The following USP45 variants were observed in gnomAD, a reference collection of about 807,000 sequenced individuals.
USP45 encodes ubiquitin specific peptidase 45.
A neutral mutation model predicts 95.8 loss-of-function variants in USP45; 89 were observed. The ratio of observed to expected loss-of-function variants is 0.93; its 90% CI spans 0.78 to 1.11. USP45 has a LOEUF of 1.11. Ranked by LOEUF, USP45 falls within the 50% of genes least tolerant of loss-of-function variation. The pLI, the probability that USP45 is intolerant of heterozygous loss-of-function variation, is 0.00. For synonymous variants in USP45, 281 were observed against 316.2 expected (o/e 0.89, Z 1.18); for missense variants, 898 against 942.5 (o/e 0.95, Z 0.62).
chr6:99,435,763 C>T lies in USP45; in HGVS notation c.2398G>A (p.Ala800Thr). The T allele has an allele frequency of 6.2e-7, 1 of 1,613,570 alleles. No homozygotes were observed. Among genetic ancestry groups the T allele is most frequent in the Non-Finnish European group, 8.5e-7 (1 of 1,179,550 alleles). Reference sequence around the variant, plus strand: ...AGAAGGTAGGCTTGTGCACTAAGTGCTCTTGATTCTGGAACCACCTGTAAG... The same window carrying T: ...AGAAGGTAGGCTTGTGCACTAAGTGTTCTTGATTCTGGAACCACCTGTAAG... Reference protein sequence around the residue: ...TYLQVVPESRALSAQAYLLFY... With the variant: ...TYLQVVPESRTLSAQAYLLFY... Residue 800 changes from alanine (A) to threonine (T), a missense_variant, in exon 18 of 18, where the codon GCA (alanine) becomes ACA (threonine). Transcript: ENST00000500704.
chr6:99,513,717 A>T (rs924246167), intron 1 of USP45, among the ~76,000 whole-genome samples: 1 of 152,224 alleles, frequency 6.6e-6, no homozygotes, highest in African/African-American at 2.4e-5. Context: ...GCAATTTCTG[A>T]TGATTTTTCT....
intron 13 of USP45, among the ~76,000 whole-genome samples, chr6:99,463,990 G>C (rs547516627): frequency 1.3e-5 from 2 of 152,138 alleles, no homozygotes; most frequent in South Asian, 2.1e-4. Flanking sequence ...TAATGGTACT[G>C]TGGTTTTTGG....
At chr6:99,461,265 G>A (rs959511590) in intron 13 of USP45, 31 of 985,238 alleles carry the variant, frequency 3.1e-5, no homozygotes, top group Non-Finnish European at 3.4e-5. Flanking sequence ...CAATCAGCAT[G>A]ATGGTTTTTT....
intron 11 of USP45, among the ~76,000 whole-genome samples, chr6:99,465,382 A>G (rs1787673436): frequency 6.6e-6 from 1 of 152,208 alleles, no homozygotes; most frequent in Non-Finnish European, 1.5e-5. Flanking sequence ...GGCCTGTAAT[A>G]TTTAAAATAA....
At chr6:99,493,721 A>G (rs1448418570) in intron 5 of USP45, among the ~76,000 whole-genome samples, 1 of 151,796 alleles carries the variant, frequency 6.6e-6, no homozygotes, top group Non-Finnish European at 1.5e-5. Context: ...CTGGTCTCGA[A>G]CTCCTGACCT....
Position 99,439,789 on chromosome 6 carries a change from A to G in USP45, c.2140T>C (p.Phe714Leu). The G allele has an allele frequency of 6.2e-7, 1 of 1,603,614 alleles. No individual in the cohort carries two copies. Among genetic ancestry groups the G allele is most frequent in the Non-Finnish European group, 8.5e-7 (1 of 1,174,486 alleles). The change falls in exon 16 of 18, where the codon TTC (phenylalanine) becomes CTC (leucine). Residue 714 changes from phenylalanine to leucine, a missense_variant. Physicochemically the swap from Phe to Leu is conservative, Grantham distance 22. Transcript: ENST00000500704. The part of the protein sequence containing the change: ...DFPLMLDLAP[F>L]CSATCKNASV... ...TGTACCTTACAAGTAGCAGAGCAGA[A>G]TGGTGCTAAATCGAGCATAAGTGGA...
intron 13 of USP45, chr6:99,461,606 G>C (rs13214012): frequency 0.2 from 194,446 of 984,572 alleles, 20,993 homozygotes; most frequent in Non-Finnish European, 0.22. Flanking sequence ...GATTTTCTCA[G>C]CTAATTTCAC....
At chr6:99,516,619 C>G (rs913988056), upstream of USP45, among the ~76,000 whole-genome samples, 1 of 152,094 alleles carries the variant, frequency 6.6e-6, no homozygotes, top group East Asian at 1.9e-4. Context: ...TATAGAGGTA[C>G]ACTATCATTT....
At chr6:99,481,757 A>AT (rs982833313) in intron 8 of USP45, among the ~76,000 whole-genome samples, 3 of 152,168 alleles carry the variant, frequency 2.0e-5, no homozygotes, top group African/African-American at 7.2e-5. Flanking sequence ...TTATGAGAAC[A>AT]TGTGGTATCT....
chr6:99,446,353 G>T lies in USP45; in HGVS notation c.1419C>A (p.Ala473=). Residue 473 remains alanine (A), a synonymous_variant, in exon 14 of 18, where the codon GCC becomes GCA. Coordinates refer to ENST00000500704, the MANE Select transcript of USP45 (RefSeq NM_001346022.3). ...GACGTGACTCAGAATTCATGAGGCT[G>T]GCAAACATTAAAGAATCCCCATTCA... ...LEMNGDSLMF[A]SLMNSESRLN... is the part of the protein sequence containing the mutation. 1 of 1,614,122 alleles carries T rather than the reference G, an allele frequency of 6.2e-7. No individual in the cohort carries two copies. The highest frequency in any genetic ancestry group is 8.5e-7 in the Non-Finnish European group (1 of 1,180,008).
At chr6:99,468,233 T>G (rs1788466042) in intron 10 of USP45, 5 of 478,508 alleles carry the variant, frequency 1.0e-5, no homozygotes, top group Non-Finnish European at 2.1e-5. Context: ...ATGATACATA[T>G]GAACTTCCAA....
At chr6:99,512,274 A>G (rs1800048483) in intron 1 of USP45, among the ~76,000 whole-genome samples, 1 of 152,182 alleles carries the variant, frequency 6.6e-6, no homozygotes, top group African/African-American at 2.4e-5. Context: ...TTCTGATGCA[A>G]CAAGTCTGGC....
intron 15 of USP45, among the ~76,000 whole-genome samples, chr6:99,440,550 T>A (rs774057343): frequency 4.6e-5 from 7 of 152,142 alleles, no homozygotes; most frequent in Non-Finnish European, 7.3e-5. Flanking sequence ...GATACCTAAA[T>A]CTGAAATGAA....
chr6:99,448,804 C>T (rs1368259414), intron 13 of USP45, among the ~76,000 whole-genome samples: 2 of 152,186 alleles, frequency 1.3e-5, no homozygotes, highest in Non-Finnish European at 2.9e-5. Context: ...CAAAGGGAAA[C>T]CCATCAGACT....
At chr6:99,438,243 A>G (rs1481033373) in intron 16 of USP45, among the ~76,000 whole-genome samples, 1 of 152,214 alleles carries the variant, frequency 6.6e-6, no homozygotes, top group Non-Finnish European at 1.5e-5. Flanking sequence ...AATAAGCTGT[A>G]GGATATAATG....
chr6:99,455,958 C>A (rs1239597515), intron 13 of USP45, among the ~76,000 whole-genome samples: 1 of 149,816 alleles, frequency 6.7e-6, no homozygotes, highest in Non-Finnish European at 1.5e-5. Context: ...CAAGGTGAAA[C>A]CCTGTCTCTA....
intron 12 of USP45, 75 bp downstream of exon 12, chr6:99,465,003 AAT>A: frequency 8.1e-7 from 1 of 1,238,608 alleles, no homozygotes; most frequent in Non-Finnish European, 1.1e-6. Context: ...GATATCTGGT[AAT>A]ATACTCAACA....
intron 13 of USP45, among the ~76,000 whole-genome samples, chr6:99,454,217 G>A (rs1168010794): frequency 6.6e-6 from 1 of 152,086 alleles, no homozygotes; most frequent in Non-Finnish European, 1.5e-5. Flanking sequence ...GGGGAAGGAC[G>A]CCCTCTTCAA....
At chr6:99,447,960 T>C (rs1782916711) in intron 13 of USP45, among the ~76,000 whole-genome samples, 1 of 152,010 alleles carries the variant, frequency 6.6e-6, no homozygotes, top group African/African-American at 2.4e-5. Context: ...TCCAGCAAAC[T>C]CCAACAGACC....
Sources: allele counts gnomAD v4.1 joint callset (sites outside exome capture counted in the v4.1 genomes callset), GRCh38; gene constraint gnomAD v4.1.1; transcripts MANE v1.5; gene names NCBI Gene and HGNC (gene_info 2026-07-23, HGNC 2026-07-21).